Variants in NEDD9 observed in about 807,000 individuals in gnomAD.
NEDD9 encodes neural precursor cell expressed, developmentally down-regulated 9.
In NEDD9, 26 loss-of-function variants were observed where a neutral mutation model predicts 76.6. The observed-to-expected ratio is 0.34, with a 90% CI of 0.25 to 0.47. NEDD9 has a LOEUF of 0.47. Among genes scored for constraint, NEDD9 ranks in the 20% least tolerant of loss-of-function variants. NEDD9 has a pLI of 1.00. For synonymous variants in NEDD9, 392 were observed against 414.2 expected, an observed-to-expected ratio of 0.95 and a Z score of 0.65; for missense variants, 937 against 1,058.5, an observed-to-expected ratio of 0.89 and a Z score of 1.59.
chr6:11,318,013 C>T (rs546296331), intron 2 of NEDD9, among the ~76,000 whole-genome samples: 31 of 152,298 alleles, frequency 2.0e-4, no homozygotes, highest in African/African-American at 6.5e-4. Flanking sequence ...CCTGCTTGGT[C>T]GTCTTTGAAC....
At chr6:11,311,014 G>A (rs1306681409) in intron 2 of NEDD9, among the ~76,000 whole-genome samples, 1 of 152,058 alleles carries the variant, frequency 6.6e-6, no homozygotes, top group East Asian at 1.9e-4. Flanking sequence ...ATCCTGTCTT[G>A]CCTTCTATGG....
intron 2 of NEDD9, among the ~76,000 whole-genome samples, chr6:11,325,042 G>T (rs897921722): frequency 2.0e-5 from 3 of 152,140 alleles, no homozygotes; most frequent in Non-Finnish European, 4.4e-5. Flanking sequence ...TAAGCCAAAG[G>T]TAGAGAGCAT....
At chr6:11,238,302 T>C (rs1014100931) in intron 3 of NEDD9, among the ~76,000 whole-genome samples, 1 of 152,274 alleles carries the variant, frequency 6.6e-6, no homozygotes, top group Non-Finnish European at 1.5e-5. Flanking sequence ...ATTTTGTTTA[T>C]GAACCCAGGC....
intron 3 of NEDD9, among the ~76,000 whole-genome samples, chr6:11,257,955 T>G (rs1178159603): frequency 6.6e-6 from 1 of 152,182 alleles, no homozygotes; most frequent in African/African-American, 2.4e-5. Flanking sequence ...TCATTTACAG[T>G]CAAATATAAA....
At chr6:11,372,440 T>G (rs1327891485) in intron 1 of NEDD9, among the ~76,000 whole-genome samples, 1 of 152,204 alleles carries the variant, frequency 6.6e-6, no homozygotes, top group African/African-American at 2.4e-5. Context: ...TTGGCACTTG[T>G]GAAGAGTGCT....
chr6:11,232,459 A>G, intron 1 of NEDD9, 45 bp downstream of exon 1: 1 of 1,613,090 alleles, frequency 6.2e-7, no homozygotes, highest in Non-Finnish European at 8.5e-7. Context: ...ACCCGCAGGC[A>G]CAGCTTTCAG....
At chr6:11,324,477 G>A (rs998043795) in intron 2 of NEDD9, among the ~76,000 whole-genome samples, 6 of 152,182 alleles carry the variant, frequency 3.9e-5, no homozygotes, top group South Asian at 2.1e-4. Flanking sequence ...TTCATGGCAC[G>A]TCACCTGTGT....
At chr6:11,305,134 T>G in intron 3 of NEDD9, 1 of 1,289,298 alleles carries the variant, frequency 7.8e-7, no homozygotes, top group Non-Finnish European at 1.0e-6. Context: ...AGCTTTTTTA[T>G]TTGTGTGCAG....
chr6:11,329,712 G>A (rs1761993906), intron 2 of NEDD9, among the ~76,000 whole-genome samples: 1 of 152,052 alleles, frequency 6.6e-6, no homozygotes, highest in South Asian at 2.1e-4. Flanking sequence ...GGTCCCCTAG[G>A]GGACATTTAG....
intron 3 of NEDD9, among the ~76,000 whole-genome samples, chr6:11,254,053 A>G (rs1303273575): frequency 6.6e-6 from 1 of 152,240 alleles, no homozygotes; most frequent in East Asian, 1.9e-4. Flanking sequence ...TTTTTAGTAG[A>G]AGTACATGCC....
chr6:11,316,619 T>G lies in NEDD9; in HGVS notation c.-152-10464A>C, dbSNP rs567157531. 1.1e-4 allele frequency among the ~76,000 whole-genome samples: 16 copies of G among 152,338 alleles called. No homozygotes were observed. The East Asian group carries it at 2.9e-3, about 28-fold the overall frequency. ...ATTAACTCGATCACATTTTCTTGCA[T>G]AAGAATCACACTGAAAATAGTCACT... On this transcript the variant is annotated intron_variant, in intron 2 of 3. Transcript: ENST00000397378.
intron 3 of NEDD9, among the ~76,000 whole-genome samples, chr6:11,238,385 G>T (rs1299731325): frequency 1.3e-5 from 2 of 152,192 alleles, no homozygotes; most frequent in Non-Finnish European, 2.9e-5. Context: ...ATGAATGAAT[G>T]AATTAATGCA....
chr6:11,201,768 G>C (rs1318512387), intron 2 of NEDD9, among the ~76,000 whole-genome samples: 1 of 151,992 alleles, frequency 6.6e-6, no homozygotes, highest in Admixed American at 6.6e-5. Context: ...TACTTGAAAG[G>C]TTTTCTTTTA....
intron 3 of NEDD9, chr6:11,305,047 C>T (rs1319873039): frequency 8.0e-7 from 1 of 1,248,750 alleles, no homozygotes; most frequent in East Asian, 5.6e-5. Flanking sequence ...TTAAAGAAAG[C>T]ATTTCTTATT....
chr6:11,231,058 G>T (rs1042644796), intron 1 of NEDD9, among the ~76,000 whole-genome samples: 3 of 152,158 alleles, frequency 2.0e-5, no homozygotes, highest in African/African-American at 7.2e-5. Context: ...GAGCAAAAAA[G>T]TCACTCCAGG....
In NEDD9 at chr6:11,183,388, TA is replaced by T. The variant is rs1757899323; in HGVS notation, c.*1773del. ...GTAATACAGATTGAACATTTGGTTT[TA>T]AAAATGTGAAATGTCTCCACTTAGC... On this transcript the variant is annotated 3_prime_UTR_variant, in exon 7 of 7. Coordinates refer to ENST00000379446, the MANE Select transcript of NEDD9 (RefSeq NM_006403.4). 2 of 152,226 alleles carry T rather than the reference TA, an allele frequency of 1.3e-5. No homozygotes were observed. The highest frequency in any genetic ancestry group is 2.9e-5 in the Non-Finnish European group (2 of 68,028). 9.4% of individuals were successfully genotyped at this position (152,226 alleles called of 1,614,324 possible).
chr6:11,317,325 C>T (rs995472337), intron 2 of NEDD9, among the ~76,000 whole-genome samples: 5 of 151,616 alleles, frequency 3.3e-5, no homozygotes, highest in African/African-American at 9.7e-5. Flanking sequence ...CCCAGCTACT[C>T]GGGAGGCTGA....
chr6:11,275,583 A>T (rs1252996786), intron 3 of NEDD9, among the ~76,000 whole-genome samples: 1 of 143,620 alleles, frequency 7.0e-6, no homozygotes, highest in Non-Finnish European at 1.5e-5. Flanking sequence ...TATATACAAA[A>T]TTTTTTTTAA....
intron 1 of NEDD9, among the ~76,000 whole-genome samples, chr6:11,351,322 G>T (rs1008201582): frequency 6.6e-6 from 1 of 152,326 alleles, no homozygotes; most frequent in Admixed American, 6.5e-5. Flanking sequence ...GGAGCAGAGG[G>T]AGCTGAGACT....
Sources: allele counts gnomAD v4.1 joint callset (sites outside exome capture counted in the v4.1 genomes callset), GRCh38; gene constraint gnomAD v4.1.1; transcripts MANE v1.5; gene names NCBI Gene and HGNC (gene_info 2026-07-23, HGNC 2026-07-21).